Variants in SLC35F3 observed in about 807,000 individuals in gnomAD.
The protein encoded by SLC35F3 is solute carrier family 35 member F3, also known as putative thiamine transporter SLC35F3.
In SLC35F3, 25 loss-of-function variants were observed where a neutral mutation model predicts 49.9. The ratio of observed to expected loss-of-function variants is 0.50; its 90% confidence interval spans 0.37 to 0.70. The LOEUF is 0.70. Among genes scored for constraint, SLC35F3 ranks in the 30% least tolerant of loss-of-function variants. The pLI is 0.00. For missense variants in SLC35F3, 525 were observed against 639.8 expected (o/e 0.82, Z 1.94); for synonymous variants, 275 against 265.4 (o/e 1.04, Z -0.35).
intron 2 of SLC35F3, among the ~76,000 whole-genome samples, chr1:233,936,892 G>A (rs1296329086): frequency 2.0e-5 from 3 of 152,068 alleles, no homozygotes; most frequent in African/African-American, 7.2e-5. Context: ...GGGCCTCCTT[G>A]TGTTGCCTAG....
At chr1:233,982,166 C>T (rs936132283) in intron 2 of SLC35F3, among the ~76,000 whole-genome samples, 1 of 152,186 alleles carries the variant, frequency 6.6e-6, no homozygotes, top group African/African-American at 2.4e-5. Flanking sequence ...CTCAAGCAAT[C>T]TGCCCGCCTC....
intron 3 of SLC35F3, among the ~76,000 whole-genome samples, chr1:234,264,269 G>A (rs758456394): frequency 2.6e-5 from 4 of 152,214 alleles, no homozygotes; most frequent in Non-Finnish European, 5.9e-5. Flanking sequence ...CTTGGTGTCT[G>A]TTCAAGGACC....
intron 2 of SLC35F3, among the ~76,000 whole-genome samples, chr1:234,215,955 A>G (rs1572098589): frequency 6.6e-6 from 1 of 152,226 alleles, no homozygotes. Flanking sequence ...AACTGCAACT[A>G]CTTACCTATT....
chr1:234,221,687 C>T (rs1667208737), intron 2 of SLC35F3, among the ~76,000 whole-genome samples: 1 of 152,144 alleles, frequency 6.6e-6, no homozygotes, highest in African/African-American at 2.4e-5. Flanking sequence ...TTGGTTAAGA[C>T]ATCATGTAGC....
chr1:233,972,448 G>A (rs1663011351), intron 2 of SLC35F3, among the ~76,000 whole-genome samples: 1 of 152,174 alleles, frequency 6.6e-6, no homozygotes, highest in Non-Finnish European at 1.5e-5. Context: ...ATGATTAAGA[G>A]CACAGCTGGG....
chr1:234,247,583 A>G (rs1453123521), intron 3 of SLC35F3, among the ~76,000 whole-genome samples: 1 of 151,766 alleles, frequency 6.6e-6, no homozygotes, highest in African/African-American at 2.4e-5. Context: ...TGGCTGGTCC[A>G]TTGTTTGGTG....
At chr1:234,041,065 C>T (rs1664212857) in intron 2 of SLC35F3, among the ~76,000 whole-genome samples, 2 of 152,168 alleles carry the variant, frequency 1.3e-5, no homozygotes, top group Non-Finnish European at 2.9e-5. Context: ...TAACTTTCTT[C>T]TTAGCAGCAC....
At chr1:234,024,111 A>G (rs912875361) in intron 2 of SLC35F3, among the ~76,000 whole-genome samples, 1 of 152,164 alleles carries the variant, frequency 6.6e-6, no homozygotes, top group Admixed American at 6.5e-5. Context: ...AAAGTAATGT[A>G]AGATCTTCAC....
chr1:234,234,596 A>AT (rs574780951), intron 3 of SLC35F3, among the ~76,000 whole-genome samples: 1,624 of 150,102 alleles, frequency 0.011, 15 homozygotes, highest in African/African-American at 0.028. Flanking sequence ...CCAGCTACAG[A>AT]TTTTTTTTTT....
chr1:233,923,012 C>T (rs573540192), intron 2 of SLC35F3, among the ~76,000 whole-genome samples: 22 of 152,102 alleles, frequency 1.4e-4, no homozygotes, highest in East Asian at 7.8e-4. Context: ...TCTATATCCG[C>T]GTTTTGGTAC....
intron 2 of SLC35F3, among the ~76,000 whole-genome samples, chr1:233,923,331 T>A (rs1662100073): frequency 6.6e-6 from 1 of 152,222 alleles, no homozygotes; most frequent in African/African-American, 2.4e-5. Flanking sequence ...CATTGAGCAG[T>A]GCTTTGTAGT....
intron 2 of SLC35F3, among the ~76,000 whole-genome samples, chr1:234,193,744 G>A (rs929245744): frequency 1.3e-5 from 2 of 151,942 alleles, no homozygotes; most frequent in African/African-American, 4.8e-5. Context: ...AAACAAATTA[G>A]CAAGAAAGAA....
chr1:234,134,938 CT>C (rs1665787911), intron 2 of SLC35F3, among the ~76,000 whole-genome samples: 1 of 152,034 alleles, frequency 6.6e-6, no homozygotes, highest in African/African-American at 2.4e-5. Context: ...CCAGGCTGGT[CT>C]TGAACTCCTG....
chr1:233,960,819 A>C (rs773914806), intron 2 of SLC35F3, among the ~76,000 whole-genome samples: 1 of 152,218 alleles, frequency 6.6e-6, no homozygotes. Context: ...ACAAGCTGTA[A>C]GTTCTTTCGA....
intron 3 of SLC35F3, among the ~76,000 whole-genome samples, chr1:234,295,088 G>C (rs1189821743): frequency 6.6e-6 from 1 of 152,270 alleles, no homozygotes; most frequent in Admixed American, 6.5e-5. Flanking sequence ...GCCCATCTCA[G>C]TGCCTCGCTG....
At chr1:234,247,719 G>T (rs1362136727) in intron 3 of SLC35F3, among the ~76,000 whole-genome samples, 2 of 151,776 alleles carry the variant, frequency 1.3e-5, no homozygotes, top group Non-Finnish European at 2.9e-5. Flanking sequence ...TGGTTGGCTG[G>T]TCCATTGTTT....
chr1:234,144,493 A>C (rs903175456), intron 2 of SLC35F3, among the ~76,000 whole-genome samples: 15 of 152,252 alleles, frequency 9.9e-5, no homozygotes, highest in African/African-American at 3.4e-4. Flanking sequence ...TCATCATTGA[A>C]TCCTCCAGCC....
intron 3 of SLC35F3, among the ~76,000 whole-genome samples, chr1:234,297,337 A>G (rs1003707788): frequency 6.6e-6 from 1 of 152,242 alleles, no homozygotes; most frequent in Non-Finnish European, 1.5e-5. Context: ...TATGTTAAAG[A>G]GGTAATGTCT....
At chr1:233,905,495 C>T (rs751581486) in intron 1 of SLC35F3, 34 bp from the exon 2 acceptor site, 1 of 1,510,168 alleles carries the variant, frequency 6.6e-7, no homozygotes, top group South Asian at 1.2e-5. Context: ...GCTCCCCCTG[C>T]CCACCCACCT....
Sources: allele counts gnomAD v4.1 joint callset (sites outside exome capture counted in the v4.1 genomes callset), GRCh38; gene constraint gnomAD v4.1.1; transcripts MANE v1.5; gene names NCBI Gene and HGNC (gene_info 2026-07-23, HGNC 2026-07-21).